The following HNF4A variants were observed in gnomAD, a reference collection of about 807,000 sequenced individuals.
HNF4A encodes the protein hepatocyte nuclear factor 4 alpha, also known as hepatocyte nuclear factor 4-alpha.
Under a neutral mutation model 52.4 loss-of-function variants are expected in HNF4A, and 15 were observed. The observed-to-expected ratio is 0.29, with a 90% CI of 0.19 to 0.44. The LOEUF (loss-of-function observed/expected upper bound fraction) is 0.44, where lower values mean the gene tolerates loss of function less well. Among genes scored for constraint, HNF4A ranks in the 20% least tolerant of loss-of-function variants. HNF4A has a pLI of 1.00. For synonymous variants in HNF4A, 280 were observed against 264.4 expected, an observed-to-expected ratio of 1.06 and a Z score of -0.57; for missense variants, 479 against 647.2, an observed-to-expected ratio of 0.74 and a Z score of 2.82.
chr20:44,381,921 T>C (rs7352905), intron 1 of HNF4A, among the ~76,000 whole-genome samples: 4 of 152,218 alleles, frequency 2.6e-5, no homozygotes, highest in African/African-American at 9.6e-5. Context: ...GGAAAGTACT[T>C]TGAATTGAGT....
intron 7 of HNF4A, among the ~76,000 whole-genome samples, chr20:44,421,327 G>C (rs1256599172): frequency 6.6e-6 from 1 of 152,136 alleles, no homozygotes; most frequent in Non-Finnish European, 1.5e-5. Flanking sequence ...TACAAAACTT[G>C]CTTTTGTTTC....
intron 3 of HNF4A, among the ~76,000 whole-genome samples, chr20:44,410,109 A>G (rs1033721465): frequency 1.3e-5 from 2 of 152,230 alleles, no homozygotes; most frequent in Admixed American, 1.3e-4. Context: ...CTGGGATTAT[A>G]GGCATGAGCC....
chr20:44,369,796 A>T (rs925630134), intron 1 of HNF4A, among the ~76,000 whole-genome samples: 3 of 151,420 alleles, frequency 2.0e-5, no homozygotes, highest in Non-Finnish European at 4.4e-5. Context: ...CACCATGCCC[A>T]GCAATTTTTG....
intron 1 of HNF4A, chr20:44,395,795 C>G (rs2146321539): frequency 6.6e-6 from 1 of 152,378 alleles, no homozygotes; most frequent in East Asian, 1.9e-4. Context: ...TGGCTTCTTT[C>G]CTCCACGACT....
chr20:44,394,715 G>A lies in HNF4A; in HGVS notation c.50-11343G>A, dbSNP rs191830490. On this transcript the variant is annotated intron_variant, in intron 1 of 9. Coordinates refer to the HNF4A transcript ENST00000316673. ...AAAGCCTCTTCTTTGGAGAGCAGCCGAGGTGGCCGTGGGCTATGCGTTGGG... is the reference window on the plus strand; with the variant it reads ...AAAGCCTCTTCTTTGGAGAGCAGCCAAGGTGGCCGTGGGCTATGCGTTGGG... Among the ~76,000 whole-genome samples, 544 of 152,326 alleles carry A rather than the reference G, an allele frequency of 3.6e-3. 3 individuals carry two copies. The highest frequency in any genetic ancestry group is 6.8e-3 in the Middle Eastern group (2 of 294).
chr20:44,420,051 G>A (rs2063722748), intron 7 of HNF4A, among the ~76,000 whole-genome samples, 175 bp downstream of exon 7: 1 of 152,164 alleles, frequency 6.6e-6, no homozygotes, highest in Admixed American at 6.5e-5. Context: ...AGACAATATG[G>A]CCGGGCGCAG....
intron 1 of HNF4A, among the ~76,000 whole-genome samples, chr20:44,380,098 C>G (rs1024795480): frequency 6.6e-6 from 1 of 151,472 alleles, no homozygotes; most frequent in Non-Finnish European, 1.5e-5. Context: ...AGGCTGGTCT[C>G]AAACTCCTGA....
In HNF4A at chr20:44,386,552, T is replaced by A. The variant is rs550573725; in HGVS notation, c.50-19506T>A. 2.6e-5 allele frequency among the ~76,000 whole-genome samples: 4 copies of A among 152,312 alleles called. No homozygotes were observed. In the South Asian group the frequency reaches 8.3e-4, roughly 32 times the overall value. ...CATTGAATGACTGAGAGAAAATTTCTTGTAAGGGTAGAAGCCCAGCACAGT... is the reference window on the plus strand; with the variant it reads ...CATTGAATGACTGAGAGAAAATTTCATGTAAGGGTAGAAGCCCAGCACAGT... On this transcript the variant is annotated intron_variant, in intron 1 of 9. Transcript: ENST00000316673.
chr20:44,381,901 G>A (rs993649681), intron 1 of HNF4A, among the ~76,000 whole-genome samples: 3 of 152,132 alleles, frequency 2.0e-5, no homozygotes, highest in African/African-American at 4.8e-5. Context: ...CTGAGCCACC[G>A]CACCCGGCAG....
At chr20:44,404,471 C>CGTGTGT (rs372901574) in intron 1 of HNF4A, among the ~76,000 whole-genome samples, 1 of 151,254 alleles carries the variant, frequency 6.6e-6, no homozygotes, top group Non-Finnish European at 1.5e-5. Flanking sequence ...TATGAATACA[C>CGTGTGT]GTGTGTGTGT....
intron 1 of HNF4A, among the ~76,000 whole-genome samples, chr20:44,366,651 T>G (rs938894649): frequency 1.3e-5 from 2 of 152,064 alleles, no homozygotes; most frequent in Admixed American, 1.3e-4. Context: ...AACAGCATAC[T>G]TTGTATTAGG....
chr20:44,402,684 G>A (rs765760292), intron 1 of HNF4A: 2 of 1,235,062 alleles, frequency 1.6e-6, no homozygotes, highest in Admixed American at 2.2e-5. Flanking sequence ...CTCCTGGAGG[G>A]AAGAGCCCCA....
chr20:44,414,763 A>G, intron 5 of HNF4A, 101 bp downstream of exon 5: 1 of 1,158,242 alleles, frequency 8.6e-7, no homozygotes, highest in Non-Finnish European at 1.2e-6. Context: ...GCTTGATTTT[A>G]TTTTATTTAA....
intron 1 of HNF4A, among the ~76,000 whole-genome samples, chr20:44,360,848 C>A (rs772342153): frequency 1.8e-4 from 28 of 152,164 alleles, no homozygotes; most frequent in Non-Finnish European, 3.2e-4. Context: ...GATGATGGTG[C>A]TTTGCTTCAC....
chr20:44,391,488 A>C (rs992495239), intron 1 of HNF4A: 1 of 152,316 alleles, frequency 6.6e-6, no homozygotes, highest in Non-Finnish European at 1.5e-5. Context: ...CCAGACTCCA[A>C]AGCTTTCTGG....
At chr20:44,425,824 C>T (rs1443317125) in intron 8 of HNF4A, among the ~76,000 whole-genome samples, 4 of 151,874 alleles carry the variant, frequency 2.6e-5, no homozygotes, top group Non-Finnish European at 5.9e-5. Context: ...CCAGCTAATT[C>T]TTCATTCTTA....
upstream of HNF4A, among the ~76,000 whole-genome samples, chr20:44,399,370 C>T (rs1264362800): frequency 6.6e-6 from 1 of 152,188 alleles, no homozygotes; most frequent in East Asian, 1.9e-4. Flanking sequence ...AGTGACTGAG[C>T]TAGTTCCTAA....
In HNF4A at chr20:44,385,059, C is replaced by CTTTTTTTTTTTTTTTTTTTT. The variant is rs775721024; in HGVS notation, c.50-20990_50-20971dup. The stretch of plus-strand genomic sequence containing the variant: ...AGTGGTTTCAGCTGAACTCTGTGAT[C>CTTTTTTTTTTTTTTTTTTTT]TTTTTTTTTTTTTTTTTTTTTTTTT... On this transcript the variant is annotated intron_variant, in intron 1 of 9. Transcript: ENST00000316673. 2.5e-3 allele frequency among the ~76,000 whole-genome samples: 89 copies of CTTTTTTTTTTTTTTTTTTTT among 34,986 alleles called. 19 individuals carry two copies. Among genetic ancestry groups the CTTTTTTTTTTTTTTTTTTTT allele is most frequent in the East Asian group, 4.5e-3 (2 of 442 alleles). 23.0% of individuals were successfully genotyped at this position (34,986 alleles called of 152,430 possible).
chr20:44,408,672 A>G (rs1281147913), intron 3 of HNF4A, among the ~76,000 whole-genome samples: 1 of 152,168 alleles, frequency 6.6e-6, no homozygotes, highest in East Asian at 1.9e-4. Flanking sequence ...GGTTGCAGTG[A>G]GCTGAGATCA....
Sources: gnomAD v4.1 joint callset for allele counts (sites outside exome capture counted in the v4.1 genomes callset) on GRCh38, gnomAD v4.1.1 for gene constraint, MANE v1.5 for transcripts, NCBI Gene and HGNC (gene_info 2026-07-23, HGNC 2026-07-21) for gene names.